The following GPR158 variants were observed in gnomAD, a reference collection of about 807,000 sequenced individuals.
GPR158 encodes the protein metabotropic glycine receptor.
Under a neutral mutation model 78.2 loss-of-function variants are expected in GPR158, and 30 were observed. The observed-to-expected ratio is 0.38, with a 90% CI of 0.29 to 0.52. The LOEUF is 0.52. GPR158 is among the 20% of genes least tolerant of loss of function. GPR158 has a pLI of 0.83. For synonymous variants in GPR158, 581 were observed against 591.1 expected (o/e 0.98, Z 0.25); for missense variants, 1,463 against 1,523.5 (o/e 0.96, Z 0.66).
intron 2 of GPR158, among the ~76,000 whole-genome samples, chr10:25,284,910 CT>C (rs1325837611): frequency 4.0e-5 from 6 of 151,796 alleles, no homozygotes; most frequent in Admixed American, 1.3e-4. Context: ...ACTTCTTATT[CT>C]TTTTGCTATT....
At chr10:25,351,399 G>A (rs1588816918) in intron 2 of GPR158, among the ~76,000 whole-genome samples, 2 of 147,510 alleles carry the variant, frequency 1.4e-5, no homozygotes, top group Non-Finnish European at 3.0e-5. Context: ...TTATTTTCAC[G>A]TTAAACTATC....
chr10:25,315,268 C>T (rs767063786), intron 2 of GPR158, among the ~76,000 whole-genome samples: 14 of 151,956 alleles, frequency 9.2e-5, no homozygotes, highest in Non-Finnish European at 1.9e-4. Context: ...CTTGTCATTT[C>T]TGCTTAATAA....
chr10:25,365,594 A>G lies in GPR158; in HGVS notation c.1009-30317A>G, dbSNP rs139329638. ...TTCTTCCTTCAGTATCATTACATAGATCCTATATCTATCAGGAAGAATGGA... is the reference window on the plus strand; with the variant it reads ...TTCTTCCTTCAGTATCATTACATAGGTCCTATATCTATCAGGAAGAATGGA... On this transcript the variant is annotated intron_variant, in intron 2 of 10. Transcript: ENST00000376351. Among the ~76,000 whole-genome samples, 139 of 151,820 alleles carry G rather than the reference A, an allele frequency of 9.2e-4. 3 individuals carry two copies. The East Asian group carries it at 0.024, about 27-fold the overall frequency.
At chr10:25,346,720 A>G (rs1235327002) in intron 2 of GPR158, among the ~76,000 whole-genome samples, 1 of 151,976 alleles carries the variant, frequency 6.6e-6, no homozygotes, top group Non-Finnish European at 1.5e-5. Flanking sequence ...TCTCATTGAG[A>G]AAACTTTTGC....
At chr10:25,220,359 C>T (rs755225353) in intron 1 of GPR158, among the ~76,000 whole-genome samples, 2 of 152,174 alleles carry the variant, frequency 1.3e-5, no homozygotes, top group Non-Finnish European at 1.5e-5. Context: ...TTTAGCCCAA[C>T]TTGGAGCTTT....
rs576169123 is a variant in GPR158 at position 25,370,085 on chromosome 10, T to C, written c.1009-25826T>C. Among the ~76,000 whole-genome samples the C allele has an allele frequency of 1.0e-4, 15 of 149,584 alleles. No homozygotes were observed. The South Asian group carries it at 2.4e-3, about 24-fold the overall frequency. On this transcript the variant is annotated intron_variant, in intron 2 of 10. Coordinates refer to ENST00000376351, the MANE Select transcript of GPR158 (RefSeq NM_020752.3). The stretch of plus-strand genomic sequence containing the variant: ...TTTTCTTTATTAGTCTTGCTAGCGG[T>C]CTATCAATTTTGTTGATCTTTTCAA...
intron 6 of GPR158, among the ~76,000 whole-genome samples, chr10:25,568,574 G>A (rs1329747439): frequency 2.0e-5 from 3 of 152,160 alleles, no homozygotes; most frequent in African/African-American, 4.8e-5. Context: ...ATTAGCTCTT[G>A]GAGGAAGGTC....
At chr10:25,329,613 G>C (rs1318960596) in intron 2 of GPR158, among the ~76,000 whole-genome samples, 1 of 148,882 alleles carries the variant, frequency 6.7e-6, no homozygotes, top group East Asian at 1.9e-4. Context: ...TTTTTTTAAA[G>C]TTTGATTGAA....
At chr10:25,366,921 T>A (rs772278919) in intron 2 of GPR158, among the ~76,000 whole-genome samples, 1 of 151,824 alleles carries the variant, frequency 6.6e-6, no homozygotes, top group Non-Finnish European at 1.5e-5. Flanking sequence ...ATCTTTTTCT[T>A]ATTCAGACGG....
intron 1 of GPR158, among the ~76,000 whole-genome samples, chr10:25,209,555 G>A (rs536122223): frequency 2.0e-5 from 3 of 152,020 alleles, no homozygotes; most frequent in African/African-American, 7.2e-5. Context: ...ACATGTAGTA[G>A]GGACACACAC....
intron 5 of GPR158, among the ~76,000 whole-genome samples, chr10:25,524,095 A>G (rs1440350009): frequency 6.6e-6 from 1 of 152,230 alleles, no homozygotes; most frequent in Non-Finnish European, 1.5e-5. Context: ...TAAAATATTT[A>G]CAAATCTAAT....
chr10:25,475,414 C>T (rs1474558482), intron 5 of GPR158: 1 of 151,998 alleles, frequency 6.6e-6, no homozygotes, highest in Non-Finnish European at 1.5e-5. Flanking sequence ...AACTCTGTAC[C>T]TTGGTTTTTA....
At chr10:25,409,508 G>A (rs1834558226) in intron 3 of GPR158, among the ~76,000 whole-genome samples, 2 of 152,030 alleles carry the variant, frequency 1.3e-5, no homozygotes, top group South Asian at 4.1e-4. Flanking sequence ...TACAAGATTG[G>A]CTGCCACATT....
intron 5 of GPR158, among the ~76,000 whole-genome samples, chr10:25,499,086 A>G (rs4747524): frequency 0.56 from 84,749 of 152,042 alleles, 25,508 homozygotes; most frequent in African/African-American, 0.8. Context: ...GAAATTATTT[A>G]TATTTTAGCC....
At chr10:25,352,691 C>A (rs571014942) in intron 2 of GPR158, among the ~76,000 whole-genome samples, 1 of 152,062 alleles carries the variant, frequency 6.6e-6, no homozygotes, top group South Asian at 2.1e-4. Flanking sequence ...TCTAGAGATA[C>A]CTTCTAGTTC....
At chr10:25,347,249 C>T (rs567238020) in intron 2 of GPR158, among the ~76,000 whole-genome samples, 1 of 151,992 alleles carries the variant, frequency 6.6e-6, no homozygotes, top group African/African-American at 2.4e-5. Flanking sequence ...CTCATGTCCC[C>T]TTTCTCTTTC....
chr10:25,509,320 G>A (rs997296964), intron 5 of GPR158, among the ~76,000 whole-genome samples: 3 of 152,136 alleles, frequency 2.0e-5, no homozygotes, highest in African/African-American at 7.2e-5. Context: ...TTCGTGCGCA[G>A]GGTTGTTTCA....
chr10:25,571,103 GCGTTCGC>G (rs1837000456), intron 6 of GPR158, among the ~76,000 whole-genome samples: 1 of 90,088 alleles, frequency 1.1e-5, no homozygotes, highest in African/African-American at 1.9e-4. Flanking sequence ...GCCAGTGTTA[GCGTTCGC>G]CAGTGTTAGC....
intron 2 of GPR158, among the ~76,000 whole-genome samples, chr10:25,358,092 A>G (rs530547039): frequency 6.6e-6 from 1 of 152,108 alleles, no homozygotes; most frequent in Non-Finnish European, 1.5e-5. Context: ...TCAGACTGGC[A>G]TGGGGCCTGT....
Sources: allele counts gnomAD v4.1 joint callset (sites outside exome capture counted in the v4.1 genomes callset), GRCh38; gene constraint gnomAD v4.1.1; transcripts MANE v1.5; gene names NCBI Gene and HGNC (gene_info 2026-07-23, HGNC 2026-07-21).